CUX2: variants seen among roughly 807,000 people sequenced by gnomAD.
CUX2 encodes the protein homeobox protein cut-like 2.
Under a neutral mutation model 144.8 loss-of-function variants are expected in CUX2, and 40 were observed. The ratio of observed to expected loss-of-function variants is 0.28; its 90% CI spans 0.21 to 0.36. The LOEUF (loss-of-function observed/expected upper bound fraction) is 0.36. Among genes scored for constraint, CUX2 ranks in the 10% least tolerant of loss-of-function variants. The pLI is 1.00. For synonymous variants in CUX2, 827 were observed against 875.6 expected, an observed-to-expected ratio of 0.94 and a Z score of 0.98; for missense variants, 1,615 against 1,994.0, an observed-to-expected ratio of 0.81 and a Z score of 3.62.
rs570271761 is a variant in CUX2 at position 111,082,728 on chromosome 12, A to C, written c.63+48488A>C. On this transcript the variant is annotated intron_variant, in intron 1 of 21. Transcript: ENST00000261726. ...AGACTCGCCGGGAGGTGGAGGAGGC[A>C]GGTGCCCCAGAGCAGAGCATGAGCA... is the stretch of plus-strand genomic sequence containing the variant. 1.5e-3 allele frequency among the ~76,000 whole-genome samples: 235 copies of C among 152,306 alleles called. 1 individual carries two copies. Among genetic ancestry groups the C allele is most frequent in the African/African-American group, 5.5e-3 (228 of 41,566 alleles).
At chr12:111,113,781 C>T (rs192087471) in intron 1 of CUX2, among the ~76,000 whole-genome samples, 2 of 152,214 alleles carry the variant, frequency 1.3e-5, no homozygotes, top group Non-Finnish European at 2.9e-5. Context: ...GGTCTCGAAC[C>T]CGTGACCTCA....
intron 3 of CUX2, among the ~76,000 whole-genome samples, chr12:111,237,798 A>G (rs1384248485): frequency 2.6e-5 from 4 of 151,984 alleles, no homozygotes; most frequent in South Asian, 4.2e-4. Context: ...GCTGTCCTCA[A>G]CTCAGGGCCT....
At position 111,170,450 on chromosome 12, in the gene CUX2, A is replaced by AAAC. The variant is rs1555277085; in HGVS notation, c.64-43748_64-43747insCAA. Reference sequence around the variant, plus strand: ...GTCTCAAAGAAAGAAAGAAAAAAAAAAAAACTGCCCCCACCGTGGATCACA... The same window carrying AAAC: ...GTCTCAAAGAAAGAAAGAAAAAAAAAAACAAAACTGCCCCCACCGTGGATCACA... On this transcript the variant is annotated intron_variant, in intron 1 of 21. Coordinates refer to ENST00000261726, the MANE Select transcript of CUX2 (RefSeq NM_015267.4). Among the ~76,000 whole-genome samples the AAAC allele has an allele frequency of 7.3e-3, 1,101 of 150,404 alleles. 27 individuals carry two copies. Among genetic ancestry groups the AAAC allele is most frequent in the African/African-American group, 0.026 (1,047 of 40,952 alleles).
intron 1 of CUX2, among the ~76,000 whole-genome samples, chr12:111,212,735 TAGA>T (rs1881302074): frequency 6.6e-6 from 1 of 152,354 alleles, no homozygotes; most frequent in South Asian, 2.1e-4. Flanking sequence ...TCTCCAGAAA[TAGA>T]AGTTCCTTCT....
intron 3 of CUX2, among the ~76,000 whole-genome samples, chr12:111,237,680 C>T (rs1882826821): frequency 6.6e-6 from 1 of 152,192 alleles, no homozygotes; most frequent in South Asian, 2.1e-4. Flanking sequence ...AGAATGAAAC[C>T]CAGACCTCCG....
chr12:111,141,384 T>C (rs944368333), intron 1 of CUX2, among the ~76,000 whole-genome samples: 5 of 152,152 alleles, frequency 3.3e-5, no homozygotes, highest in African/African-American at 1.2e-4. Flanking sequence ...CAAACCTCAG[T>C]TTCCCTACCT....
intron 1 of CUX2, among the ~76,000 whole-genome samples, chr12:111,081,027 T>C (rs1196477694): frequency 6.6e-6 from 1 of 152,216 alleles, no homozygotes; most frequent in Non-Finnish European, 1.5e-5. Context: ...GGAGCTCTTA[T>C]AGCTGTCGGT....
At chr12:111,203,214 C>T (rs774986108) in intron 1 of CUX2, among the ~76,000 whole-genome samples, 3 of 131,514 alleles carry the variant, frequency 2.3e-5, no homozygotes, top group South Asian at 2.5e-4. Flanking sequence ...CCTGGGCAAC[C>T]GAATGAGACT....
intron 1 of CUX2, among the ~76,000 whole-genome samples, chr12:111,079,314 G>A (rs1871733738): frequency 6.6e-6 from 1 of 152,204 alleles, no homozygotes; most frequent in Non-Finnish European, 1.5e-5. Context: ...TTATGCTATA[G>A]GTGAGTATTA....
At chr12:111,137,104 A>ATT (rs1242985153) in intron 1 of CUX2, among the ~76,000 whole-genome samples, 8 of 142,522 alleles carry the variant, frequency 5.6e-5, no homozygotes, top group Admixed American at 7.0e-5. Context: ...CACCTGGCTA[A>ATT]TTTTTTTTTT....
rs564007049 is a variant in CUX2 at position 111,034,582 on chromosome 12, G to A, written c.63+342G>A. ...CAGGGGGCTGCTGGCGGGAACCCCC[G>A]GCGGTCCCCCCTGAGCCGCACTTTG... On this transcript the variant is annotated intron_variant, in intron 1 of 21. Coordinates refer to ENST00000261726, the MANE Select transcript of CUX2 (RefSeq NM_015267.4). The surrounding 1 kb of genome is among the most constrained non-coding windows in gnomAD (Gnocchi z 4.2). Among the ~76,000 whole-genome samples, 2 of 151,344 alleles carry A rather than the reference G, an allele frequency of 1.3e-5. No individual in the cohort carries two copies. The highest frequency in any genetic ancestry group is 2.1e-4 in the South Asian group (1 of 4,826).
At position 111,272,335 on chromosome 12, in the gene CUX2, C is replaced by T. The variant is rs558767030; in HGVS notation, c.301+8496C>T. Among the ~76,000 whole-genome samples, 37 of 152,266 alleles carry T rather than the reference C, an allele frequency of 2.4e-4. No homozygotes were observed. In the South Asian group the frequency reaches 6.4e-3, roughly 26 times the overall value. ...TCCTCCTCTCCCTCCTCCATGCCCA[C>T]GCTTCTGCTCAGTTAGTCCCATAAT... is the stretch of plus-strand genomic sequence containing the variant. On this transcript the variant is annotated intron_variant, in intron 4 of 21. Transcript: ENST00000261726.
At chr12:111,267,440 G>C (rs1197284393) in intron 4 of CUX2, among the ~76,000 whole-genome samples, 3 of 152,192 alleles carry the variant, frequency 2.0e-5, no homozygotes, top group African/African-American at 7.2e-5. Context: ...GTGGCACAGA[G>C]AGGTTGAGCC....
At chr12:111,070,382 T>A in intron 1 of CUX2, among the ~76,000 whole-genome samples, 1 of 96,056 alleles carries the variant, frequency 1.0e-5, no homozygotes, top group African/African-American at 5.9e-5. Context: ...CCCTTCTTCC[T>A]TCCTTCCTTC....
intron 1 of CUX2, among the ~76,000 whole-genome samples, chr12:111,195,226 G>A (rs200499631): frequency 1.3e-4 from 20 of 152,170 alleles, no homozygotes; most frequent in East Asian, 1.2e-3. Context: ...CCTGCCCAAC[G>A]CACCTTTTTT....
At chr12:111,280,126 A>G (rs1225979187) in intron 4 of CUX2, among the ~76,000 whole-genome samples, 1 of 152,020 alleles carries the variant, frequency 6.6e-6, no homozygotes, top group Non-Finnish European at 1.5e-5. Flanking sequence ...TCTACTAAAA[A>G]TAAAATACAA....
chr12:111,271,435 CTG>C (rs1472543937), intron 4 of CUX2, among the ~76,000 whole-genome samples: 4 of 152,176 alleles, frequency 2.6e-5, no homozygotes, highest in Non-Finnish European at 5.9e-5. Context: ...TCATATTTCC[CTG>C]TGTGATTACA....
At chr12:111,060,603 C>T (rs945896221) in intron 1 of CUX2, among the ~76,000 whole-genome samples, 4 of 152,198 alleles carry the variant, frequency 2.6e-5, no homozygotes, top group African/African-American at 9.6e-5. Context: ...CATGGATGGG[C>T]CAGAGTTTTG....
chr12:111,226,852 C>T (rs183273835), intron 3 of CUX2, among the ~76,000 whole-genome samples: 46 of 152,300 alleles, frequency 3.0e-4, no homozygotes, highest in Non-Finnish European at 5.0e-4. Flanking sequence ...TAGTCTGTGC[C>T]GACGCCATGG....
Sources: allele counts gnomAD v4.1 joint callset (sites outside exome capture counted in the v4.1 genomes callset), GRCh38; gene constraint gnomAD v4.1.1; non-coding constraint Gnocchi (gnomAD v3.1); transcripts MANE v1.5; gene names NCBI Gene and HGNC (gene_info 2026-07-23, HGNC 2026-07-21).